RASA3: variants seen among roughly 807,000 people sequenced by gnomAD.
RASA3 encodes the protein RAS p21 protein activator 3.
In RASA3, 73 loss-of-function variants were observed where a neutral mutation model predicts 110.0. The observed-to-expected ratio is 0.66, with a 90% confidence interval of 0.55 to 0.81. The LOEUF (loss-of-function observed/expected upper bound fraction) is 0.81, where lower values mean the gene tolerates loss of function less well. Among genes scored for constraint, RASA3 ranks in the 30% least tolerant of loss-of-function variants. RASA3 has a pLI of 0.00. For synonymous variants in RASA3, 500 were observed against 451.4 expected (o/e 1.11, Z -1.37); for missense variants, 976 against 1,113.2 (o/e 0.88, Z 1.75).
intron 17 of RASA3, 43 bp downstream of exon 17, chr13:114,009,344 T>G: frequency 4.1e-6 from 6 of 1,480,080 alleles, no homozygotes; most frequent in Non-Finnish European, 5.6e-6. Flanking sequence ...CTCCGTCTCC[T>G]GAGCACGGCA....
chr13:114,130,253 C>G (rs1013890379), intron 1 of RASA3, among the ~76,000 whole-genome samples: 3 of 152,202 alleles, frequency 2.0e-5, no homozygotes, highest in African/African-American at 7.2e-5. Flanking sequence ...GCAGCCAGCC[C>G]TGCAGGTGAC....
intron 1 of RASA3, among the ~76,000 whole-genome samples, chr13:114,074,900 A>G (rs1176903538): frequency 3.9e-5 from 6 of 152,240 alleles, no homozygotes; most frequent in Admixed American, 6.5e-5. Flanking sequence ...TTACTGGAGA[A>G]TAGGGAGTGA....
At chr13:114,018,714 C>T (rs2053849180) in intron 10 of RASA3, 49 bp downstream of exon 10, 3 of 1,598,742 alleles carry the variant, frequency 1.9e-6, no homozygotes, top group Non-Finnish European at 2.6e-6. Context: ...GGGCCCCAGG[C>T]AGGTGGCACC....
intron 1 of RASA3, among the ~76,000 whole-genome samples, chr13:114,121,247 C>T (rs1252634230): frequency 1.3e-5 from 2 of 152,328 alleles, no homozygotes; most frequent in East Asian, 1.9e-4. Context: ...ACCCCCGTGC[C>T]CCAAACACAT....
intron 14 of RASA3, among the ~76,000 whole-genome samples, chr13:114,013,999 C>T (rs1050627347): frequency 1.7e-5 from 2 of 120,184 alleles, no homozygotes; most frequent in African/African-American, 7.0e-5. Flanking sequence ...CATCTCTCTC[C>T]GTCTGTCTCT....
At chr13:114,108,453 G>A (rs1322414052) in intron 1 of RASA3, among the ~76,000 whole-genome samples, 2 of 48,910 alleles carry the variant, frequency 4.1e-5, no homozygotes, top group Non-Finnish European at 3.6e-5. Context: ...CCCCCCGTCC[G>A]TCATCCTCCG....
At chr13:114,030,471 G>GACTCACACA (rs1477922213) in intron 4 of RASA3, among the ~76,000 whole-genome samples, 20 of 116,374 alleles carry the variant, frequency 1.7e-4, no homozygotes, top group African/African-American at 5.6e-4. Flanking sequence ...CAGAGGGCAA[G>GACTCACACA]GCTCACACAG....
chr13:114,062,018 C>T (rs1056259938), intron 2 of RASA3, among the ~76,000 whole-genome samples: 13 of 152,122 alleles, frequency 8.5e-5, no homozygotes, highest in African/African-American at 2.7e-4. Context: ...AGGCGGGGGT[C>T]GGACTGACGC....
chr13:114,038,632 G>A (rs960738819), intron 4 of RASA3, among the ~76,000 whole-genome samples: 2 of 152,222 alleles, frequency 1.3e-5, no homozygotes, highest in African/African-American at 4.8e-5. Flanking sequence ...ATGGGCGTGT[G>A]CACAGCTCAT....
intron 22 of RASA3, 133 bp downstream of exon 22, chr13:113,992,352 A>G: frequency 3.1e-6 from 2 of 639,216 alleles, no homozygotes; most frequent in Non-Finnish European, 5.4e-6. Flanking sequence ...TCCGTGCTAC[A>G]AAGACAACTA....
chr13:114,088,130 CA>C (rs11355707), intron 1 of RASA3, among the ~76,000 whole-genome samples: 143,071 of 151,756 alleles, frequency 0.94, 67,763 homozygotes, highest in Non-Finnish European at 1. Context: ...GGCCCTGTCT[CA>C]AAAAAAAATA....
intron 22 of RASA3, among the ~76,000 whole-genome samples, chr13:113,989,374 CCCATCACTCACCCATCCGTCCAT>C (rs2053049991): frequency 1.4e-5 from 2 of 147,054 alleles, no homozygotes; most frequent in Non-Finnish European, 3.0e-5. Context: ...TGTCCATCCA[CCCATCACTCACCCATCCGTCCAT>C]CCATCACTCA....
intron 11 of RASA3, among the ~76,000 whole-genome samples, chr13:114,017,646 C>A (rs1024354376): frequency 6.6e-6 from 1 of 152,254 alleles, no homozygotes; most frequent in Non-Finnish European, 1.5e-5. Context: ...GCGGCCTCTG[C>A]CTGTGCAGAG....
In RASA3 at chr13:114,075,113, C is replaced by A. The variant is rs143950274; in HGVS notation, c.56-1276G>T. Among the ~76,000 whole-genome samples, 555 of 152,286 alleles carry A rather than the reference C, an allele frequency of 3.6e-3. 4 individuals are homozygous for A. The highest frequency in any genetic ancestry group is 0.012 in the South Asian group (58 of 4,828). The stretch of plus-strand genomic sequence containing the variant: ...TGCAGGCACAGGCACCACGCTGAGA[C>A]CACACCAAGGCTCCTGCTGGCGCCA... On this transcript the variant is annotated intron_variant, in intron 1 of 23. Transcript: ENST00000334062.
chr13:114,057,502 C>T lies in RASA3; in HGVS notation c.174-5347G>A, dbSNP rs1416959419. ...GTGCCAGAATAGAGGGTTCGTTCAG[C>T]TTCTTAGACCGATGATTTATTTAGG... is the stretch of plus-strand genomic sequence containing the variant. On this transcript the variant is annotated intron_variant, in intron 2 of 23. Coordinates refer to ENST00000334062, the MANE Select transcript of RASA3 (RefSeq NM_007368.4). This position sits in a 1 kb window ranked among gnomAD's most constrained non-coding sequence, Gnocchi z 5.0. 1.0e-6 allele frequency: 1 copy of T among 985,388 alleles called. No individual in the cohort carries two copies. Among genetic ancestry groups the T allele is most frequent in the Non-Finnish European group, 1.2e-6 (1 of 829,910 alleles). 61.0% of individuals were successfully genotyped at this position (985,388 alleles called of 1,614,324 possible).
chr13:114,020,827 C>A (rs1352981181), intron 9 of RASA3, among the ~76,000 whole-genome samples: 3 of 152,214 alleles, frequency 2.0e-5, no homozygotes, highest in Non-Finnish European at 4.4e-5. Flanking sequence ...GCGCCCTCAA[C>A]AGGAGGTGCT....
intron 2 of RASA3, among the ~76,000 whole-genome samples, chr13:114,070,717 C>T (rs1320732816): frequency 7.0e-6 from 1 of 143,454 alleles, no homozygotes; most frequent in Non-Finnish European, 1.5e-5. Flanking sequence ...CACAGTCTTA[C>T]ACGTGGGCAG....
At chr13:114,070,465 G>C (rs1262996040) in intron 2 of RASA3, among the ~76,000 whole-genome samples, 1 of 152,130 alleles carries the variant, frequency 6.6e-6, no homozygotes, top group Non-Finnish European at 1.5e-5. Context: ...GTTTATGAGA[G>C]AGCCAGCTTT....
chr13:114,018,289 G>T (rs1049739096), intron 10 of RASA3, 37 bp from the exon 11 acceptor site: 1 of 1,538,086 alleles, frequency 6.5e-7, no homozygotes, highest in Non-Finnish European at 8.8e-7. Flanking sequence ...AGGGCCCGGG[G>T]TGCAGGAACC....
Sources: allele counts gnomAD v4.1 joint callset (sites outside exome capture counted in the v4.1 genomes callset), GRCh38; gene constraint gnomAD v4.1.1; non-coding constraint Gnocchi (gnomAD v3.1); transcripts MANE v1.5; gene names NCBI Gene and HGNC (gene_info 2026-07-23, HGNC 2026-07-21).